The following TELO2 variants were observed in gnomAD, a reference collection of about 807,000 sequenced individuals.
The protein encoded by TELO2 is telomere maintenance 2, also known as telomere length regulation protein TEL2 homolog.
In TELO2, 71 loss-of-function variants were observed where a neutral mutation model predicts 91.0. That is an observed-to-expected ratio of 0.78 (90% CI 0.64 to 0.95). The LOEUF is 0.95. Ranked by LOEUF, TELO2 falls within the 40% of genes least tolerant of loss-of-function variation. TELO2 has a pLI of 0.00. For missense variants in TELO2, 1,183 were observed against 1,141.3 expected, an observed-to-expected ratio of 1.04 and a Z score of -0.53; for synonymous variants, 584 against 518.9, an observed-to-expected ratio of 1.13 and a Z score of -1.71.
intron 2 of TELO2, among the ~76,000 whole-genome samples, 187 bp from the exon 3 acceptor site, chr16:1,495,159 T>G (rs1460691142): frequency 3.3e-5 from 5 of 152,204 alleles, no homozygotes; most frequent in Admixed American, 2.6e-4. Flanking sequence ...CCGAGAGCTC[T>G]CACACAGTAA....
Position 1,495,487 on chromosome 16 carries a change from G to A in TELO2, c.477G>A (p.Lys159=). ...TGCTCCGGGAGACGCTGCTGGGCAA[G>A]GTGGTGGCCCTGCCCGATCACCTGG... ...FILLRETLLG[K]VVALPDHLGN... The change falls in exon 3 of 21, where the codon AAG becomes AAA. Residue 159 remains lysine (K), a synonymous_variant. Transcript: ENST00000262319. 1 of 1,610,930 alleles carries A rather than the reference G, an allele frequency of 6.2e-7. No homozygotes were observed. Among genetic ancestry groups the A allele is most frequent in the Non-Finnish European group, 8.5e-7 (1 of 1,179,742 alleles).
chr16:1,501,133 A>G (rs1228912341), intron 9 of TELO2, among the ~76,000 whole-genome samples: 2 of 152,150 alleles, frequency 1.3e-5, no homozygotes, highest in Non-Finnish European at 2.9e-5. Flanking sequence ...CTGTCCTCTT[A>G]TCTGCTGAGA....
Position 1,505,538 on chromosome 16 carries a change from G to T in TELO2, c.1971G>T (p.Val657=), listed in dbSNP as rs761856479. 1.2e-6 allele frequency: 2 copies of T among 1,613,142 alleles called. No individual in the cohort carries two copies. Among genetic ancestry groups the T allele is most frequent in the Admixed American group, 3.3e-5 (2 of 60,030 alleles). Residue 657 remains valine (V), a synonymous_variant, in exon 16 of 21, where the codon GTG becomes GTT. Coordinates refer to ENST00000262319, the MANE Select transcript of TELO2 (RefSeq NM_016111.4). This position sits in a 1 kb window ranked among gnomAD's most constrained non-coding sequence, Gnocchi z 4.3. The part of the protein sequence containing the change: ...EAAVSQPGSA[V]ASDWRVVVEE... ...CCGTCTCTCAGCCTGGCAGTGCCGT[G>T]GCGTCTGACTGGCGGGTGGTGGTGG...
At chr16:1,506,653 C>G (rs2039903532) in intron 17 of TELO2, 2 of 1,375,612 alleles carry the variant, frequency 1.5e-6, no homozygotes, top group East Asian at 2.9e-5. Flanking sequence ...TGCACTGGCC[C>G]CACGTTCAGG....
intron 19 of TELO2, 25 bp downstream of exon 19, chr16:1,507,395 A>G: frequency 6.2e-7 from 1 of 1,608,088 alleles, no homozygotes; most frequent in Non-Finnish European, 8.5e-7. Flanking sequence ...GGGCTGGGCC[A>G]GGCCAGGGGT....
rs1567305595 is a variant in TELO2, at chr16:1,506,252, G to A, written c.2049G>A (p.Gln683=). 2 of 1,613,682 alleles carry A rather than the reference G, an allele frequency of 1.2e-6. No homozygotes were observed. Among genetic ancestry groups the A allele is most frequent in the Non-Finnish European group, 1.7e-6 (2 of 1,180,006 alleles). The change falls in exon 17 of 21, where the codon CAG becomes CAA. Residue 683 remains glutamine (Q), a synonymous_variant. Transcript: ENST00000262319. ...GTGTCTGGCAGGGTGGCCCGAGGCAGGGCCCGGCAGGCAGCCCCAGCAGAT... is the reference window on the plus strand; with the variant it reads ...GTGTCTGGCAGGGTGGCCCGAGGCAAGGCCCGGCAGGCAGCCCCAGCAGAT... The part of the protein sequence containing the change: ...TQRLSKGGPR[Q]GPAGSPSRFN...
intron 11 of TELO2, 123 bp downstream of exon 11, chr16:1,501,896 A>C: frequency 7.0e-7 from 1 of 1,436,560 alleles, no homozygotes; most frequent in Non-Finnish European, 9.7e-7. Flanking sequence ...TTTCGTCCTC[A>C]TGTGAGGGCC....
chr16:1,497,387 C>T lies in TELO2; in HGVS notation c.709C>T (p.Arg237Trp), dbSNP rs1389149572. 16 of 1,549,326 alleles carry T rather than the reference C, an allele frequency of 1.0e-5. No individual in the cohort carries two copies. Among genetic ancestry groups the T allele is most frequent in the South Asian group, 3.6e-5 (3 of 83,922 alleles). Residue 237 changes from arginine to tryptophan, a missense_variant, in exon 5 of 21, where the codon CGG becomes TGG. By Grantham distance (101) the Arg-to-Trp change is moderately radical. Coordinates refer to ENST00000262319, the MANE Select transcript of TELO2 (RefSeq NM_016111.4). The surrounding 1 kb of genome is among the most constrained non-coding windows in gnomAD (Gnocchi z 4.0). ...QQEILGVLVP[R>W]LAALTQGSYL... ...GGAGATCCTGGGCGTGCTGGTACCC[C>T]GGCTGGCAGCGCTCACCCAGGGCAG...
chr16:1,494,522 G>A lies in TELO2; in HGVS notation c.241G>A (p.Gly81Ser), dbSNP rs749934895. ...AGCCTGGCTGGAGCTGCTGCCCCATGGCCGCCTGGAGGAGCTGTGGGCCAG... is the reference window on the plus strand; with the variant it reads ...AGCCTGGCTGGAGCTGCTGCCCCATAGCCGCCTGGAGGAGCTGTGGGCCAG... Reference protein sequence around the residue: ...SPAWLELLPHGRLEELWASFF... With the variant: ...SPAWLELLPHSRLEELWASFF... The change falls in exon 2 of 21, where the codon GGC becomes AGC. Residue 81 changes from glycine (G) to serine (S), a missense_variant. Physicochemically the swap from Gly to Ser is moderately conservative, Grantham distance 56 (BLOSUM62 0). Coordinates refer to ENST00000262319, the MANE Select transcript of TELO2 (RefSeq NM_016111.4). The surrounding 1 kb of genome is among the most constrained non-coding windows in gnomAD (Gnocchi z 5.6). 3.1e-6 allele frequency: 5 copies of A among 1,613,308 alleles called. No individual in the cohort carries two copies. The highest frequency in any genetic ancestry group is 2.2e-5 in the South Asian group (2 of 91,082).
At position 1,510,056 on chromosome 16, in the gene TELO2, G is replaced by T; in HGVS notation, c.*120G>T. On this transcript the variant is annotated 3_prime_UTR_variant, in exon 21 of 21. Transcript: ENST00000262319. ...CAGGTCTTCGGCCGCATCCGGTACG[G>T]AGAGTGCAGATGCAGGAAGGCCCGG... The T allele has an allele frequency of 1.2e-6, 1 of 818,172 alleles. No homozygotes were observed. The highest frequency in any genetic ancestry group is 1.9e-6 in the Non-Finnish European group (1 of 518,220). The allele number at this position is 818,172 out of a possible 1,614,324, so 50.7% of individuals were successfully genotyped here.
Position 1,495,524 on chromosome 16 carries a change from C to T in TELO2, c.514C>T (p.Gln172Ter), listed in dbSNP as rs878853272. ...GCCCGATCACCTGGGCAACCGCCTGCAGCAGGAGAACTTGGCCGAGTTCTT... is the reference window on the plus strand; with the variant it reads ...GCCCGATCACCTGGGCAACCGCCTGTAGCAGGAGAACTTGGCCGAGTTCTT... ...ALPDHLGNRL[Q>*]QENLAEFFPQ... The change falls in exon 3 of 21, where the codon CAG becomes TAG. Residue 172 changes from glutamine (Q) to a stop codon, truncating the protein, a stop_gained. Transcript: ENST00000262319. LOFTEE classifies it high-confidence loss of function. The T allele has an allele frequency of 6.2e-7, 1 of 1,611,476 alleles. No individual in the cohort carries two copies. The highest frequency in any genetic ancestry group is 8.5e-7 in the Non-Finnish European group (1 of 1,179,968).
chr16:1,494,265 C>G lies in TELO2; in HGVS notation c.-17C>G. The G allele has an allele frequency of 6.2e-7, 1 of 1,602,086 alleles. No individual in the cohort carries two copies. Among genetic ancestry groups the G allele is most frequent in the Non-Finnish European group, 8.5e-7 (1 of 1,171,424 alleles). On this transcript the variant is annotated 5_prime_UTR_variant, in exon 2 of 21. Coordinates refer to ENST00000262319, the MANE Select transcript of TELO2 (RefSeq NM_016111.4). This position sits in a 1 kb window ranked among gnomAD's most constrained non-coding sequence, Gnocchi z 5.6. Reference sequence around the variant, plus strand: ...TCACAGGTCGTCTTCCCGTGACGCCCAGATCTGTCCTGCAGGATGGAGCCA... The same window carrying G: ...TCACAGGTCGTCTTCCCGTGACGCCGAGATCTGTCCTGCAGGATGGAGCCA...
rs1393310321 is a variant in TELO2 at position 1,494,427 on chromosome 16, G to C, written c.146G>C (p.Arg49Thr). Residue 49 changes from arginine (R) to threonine (T), a missense_variant, in exon 2 of 21, where the codon AGG becomes ACG. By Grantham distance (71) the Arg-to-Thr change is moderately conservative. Coordinates refer to ENST00000262319, the MANE Select transcript of TELO2 (RefSeq NM_016111.4). The surrounding 1 kb of genome is among the most constrained non-coding windows in gnomAD (Gnocchi z 5.6). ...GAGATGGAGCCTCCAGCGCTCCCGA[G>C]GGAGAAGGAGGAGTTTGCCTCGGCC... is the stretch of plus-strand genomic sequence containing the variant. ...LGEMEPPALP[R>T]EKEEFASAHF... is the part of the protein sequence containing the mutation. The C allele has an allele frequency of 6.2e-7, 1 of 1,613,414 alleles. No individual in the cohort carries two copies. The highest frequency in any genetic ancestry group is 8.5e-7 in the Non-Finnish European group (1 of 1,180,012).
intron 16 of TELO2, 62 bp from the exon 17 acceptor site, chr16:1,506,176 A>G (rs2141065765): frequency 6.4e-7 from 1 of 1,561,514 alleles, no homozygotes. Context: ...CTCTCGGGCT[A>G]GGGGTGCCGT....
At chr16:1,499,946 C>A in intron 6 of TELO2, 150 bp from the exon 7 acceptor site, 1 of 891,454 alleles carries the variant, frequency 1.1e-6, no homozygotes, top group South Asian at 1.8e-5. Flanking sequence ...GGAGGGGTCC[C>A]GCATTCCAGG....
At chr16:1,501,308 A>G in intron 9 of TELO2, 112 bp from the exon 10 acceptor site, 2 of 1,149,172 alleles carry the variant, frequency 1.7e-6, no homozygotes, top group Non-Finnish European at 2.5e-6. Flanking sequence ...CCAGCCACTG[A>G]GTGAGACCGG....
intron 15 of TELO2, among the ~76,000 whole-genome samples, chr16:1,503,229 C>A (rs114574212): frequency 2.0e-5 from 3 of 152,226 alleles, no homozygotes; most frequent in Non-Finnish European, 4.4e-5. Context: ...ATAATTCACA[C>A]GCCATAAAAT....
chr16:1,497,326 C>T lies in TELO2; in HGVS notation c.683-35C>T. 12 of 1,518,162 alleles carry T rather than the reference C, an allele frequency of 7.9e-6. No individual in the cohort carries two copies. Among genetic ancestry groups the T allele is most frequent in the Non-Finnish European group, 1.1e-5 (12 of 1,127,834 alleles). The allele number at this position is 1,518,162 out of a possible 1,614,324, so 94.0% of individuals were successfully genotyped here. On this transcript the variant is annotated intron_variant, in intron 4 of 20. Transcript: ENST00000262319. The surrounding 1 kb of genome is among the most constrained non-coding windows in gnomAD (Gnocchi z 4.0). The stretch of plus-strand genomic sequence containing the variant: ...AGCCCCAGACACCAGGTGGGTGCAG[C>T]TCCCCAGGCTCAGGTCCTCCGTCTG...
intron 5 of TELO2, among the ~76,000 whole-genome samples, chr16:1,498,575 C>G (rs1193605047): frequency 6.6e-6 from 1 of 152,106 alleles, no homozygotes; most frequent in African/African-American, 2.4e-5. Flanking sequence ...GTAGCGGGAA[C>G]ACAGGTGCGC....
Sources: allele counts gnomAD v4.1 joint callset (sites outside exome capture counted in the v4.1 genomes callset), GRCh38; gene constraint gnomAD v4.1.1; non-coding constraint Gnocchi (gnomAD v3.1); transcripts MANE v1.5; gene names NCBI Gene and HGNC (gene_info 2026-07-23, HGNC 2026-07-21).